The following ARPC2 variants were observed in gnomAD, a reference collection of about 807,000 sequenced individuals.
ARPC2 encodes actin-related protein 2/3 complex subunit 2.
Under a neutral mutation model 38.6 loss-of-function variants are expected in ARPC2, and 4 were observed. The observed-to-expected ratio is 0.10, with a 90% CI of 0.05 to 0.24. The LOEUF (loss-of-function observed/expected upper bound fraction) is 0.24, where lower values mean the gene tolerates loss of function less well. Among genes scored for constraint, ARPC2 ranks in the 10% least tolerant of loss-of-function variants. The pLI, the probability that ARPC2 is intolerant of heterozygous loss-of-function variation, is 1.00. For synonymous variants in ARPC2, 125 were observed against 140.8 expected (o/e 0.89, Z 0.79); for missense variants, 229 against 387.3 (o/e 0.59, Z 3.43).
rs373671129 is a variant in ARPC2 at position 218,220,565 on chromosome 2, A to G, written c.74+3021A>G. Among the ~76,000 whole-genome samples, 21 of 152,056 alleles carry G rather than the reference A, an allele frequency of 1.4e-4. 1 individual carries two copies. Among genetic ancestry groups the G allele is most frequent in the African/African-American group, 4.3e-4 (18 of 41,472 alleles). Reference sequence around the variant, plus strand: ...ATGGTCTTAAAAATAGTTCTGTGGCATATACTTCAGAATATAGTTGCATTA... The same window carrying G: ...ATGGTCTTAAAAATAGTTCTGTGGCGTATACTTCAGAATATAGTTGCATTA... On this transcript the variant is annotated intron_variant, in intron 2 of 10. Transcript: ENST00000315717.
chr2:218,229,105 G>A, intron 4 of ARPC2: 1 of 312,390 alleles, frequency 3.2e-6, no homozygotes, highest in South Asian at 3.4e-5. Flanking sequence ...ACTTTTCCTT[G>A]ATCAGTACAA....
intron 7 of ARPC2, among the ~76,000 whole-genome samples, chr2:218,241,533 T>C (rs921685386): frequency 2.0e-5 from 3 of 152,208 alleles, no homozygotes; most frequent in Non-Finnish European, 4.4e-5. Context: ...GTAACAAAAC[T>C]AATTTTAAAA....
chr2:218,242,089 C>T (rs1482094019), intron 7 of ARPC2, among the ~76,000 whole-genome samples: 1 of 152,184 alleles, frequency 6.6e-6, no homozygotes, highest in African/African-American at 2.4e-5. Flanking sequence ...CTTTCCCTTC[C>T]AGCATGCACA....
At chr2:218,229,592 AC>A (rs1403818510) in intron 4 of ARPC2, among the ~76,000 whole-genome samples, 1 of 152,258 alleles carries the variant, frequency 6.6e-6, no homozygotes, top group Non-Finnish European at 1.5e-5. Context: ...TGAAGATATA[AC>A]CATAGCTGTT....
chr2:218,217,239 A>T lies in ARPC2; in HGVS notation c.-24A>T. Reference sequence around the variant, plus strand: ...CGGCGGCGGCTCGGCAGGCGGGTTCAGGCTTCGGGGGCCAGGTCGGTTGGG... The same window carrying T: ...CGGCGGCGGCTCGGCAGGCGGGTTCTGGCTTCGGGGGCCAGGTCGGTTGGG... On this transcript the variant is annotated 5_prime_UTR_variant, in exon 1 of 11. Transcript: ENST00000315717. 2 of 454,042 alleles carry T rather than the reference A, an allele frequency of 4.4e-6. No homozygotes were observed. The highest frequency in any genetic ancestry group is 7.7e-6 in the Non-Finnish European group (2 of 260,972). The allele number at this position is 454,042 out of a possible 1,614,324, so 28.1% of individuals were successfully genotyped here. A position where few individuals can be genotyped will look rare whatever the true frequency, so the allele number is the denominator to read the frequency against.
chr2:218,232,753 T>A (rs892362707), intron 4 of ARPC2, among the ~76,000 whole-genome samples: 2 of 151,852 alleles, frequency 1.3e-5, no homozygotes, highest in African/African-American at 4.8e-5. Context: ...TGTTTTTGTA[T>A]TTTTAGTAGA....
At chr2:218,217,343 C>A in intron 1 of ARPC2, 89 bp downstream of exon 1, 1 of 839,298 alleles carries the variant, frequency 1.2e-6, no homozygotes, top group Non-Finnish European at 2.0e-6. Flanking sequence ...CCCCTCTCCC[C>A]TTCTCCCCTA....
rs1015378846 is a variant in ARPC2 at position 218,221,234 on chromosome 2, G to C, written c.74+3690G>C. On this transcript the variant is annotated intron_variant, in intron 2 of 10. Coordinates refer to ENST00000315717, the MANE Select transcript of ARPC2 (RefSeq NM_152862.3). The stretch of plus-strand genomic sequence containing the variant: ...TATTGCGGGGAGCTGTGGTTCCATG[G>C]GGGGGAGTGAAACTCAGTAAGCAAG... 7.2e-5 allele frequency among the ~76,000 whole-genome samples: 11 copies of C among 152,264 alleles called. No individual in the cohort carries two copies. In the East Asian group the frequency reaches 1.2e-3, roughly 16 times the overall value.
rs370556012 is a variant in ARPC2 at position 218,217,446 on chromosome 2, C to T, written c.-8-17C>T. 1.9e-5 allele frequency: 31 copies of T among 1,613,418 alleles called. No individual in the cohort carries two copies. The East Asian group carries it at 6.5e-4, about 34-fold the overall frequency. Reference sequence around the variant, plus strand: ...CCCACCCTCACCGGCCCTTGTTTCTCCTTCCCCTGGGGGCAGCCGCCGCCA... The same window carrying T: ...CCCACCCTCACCGGCCCTTGTTTCTTCTTCCCCTGGGGGCAGCCGCCGCCA... On this transcript the variant is annotated splice_polypyrimidine_tract_variant and intron_variant, in intron 1 of 10. Coordinates refer to ENST00000315717, the MANE Select transcript of ARPC2 (RefSeq NM_152862.3).
intron 8 of ARPC2, among the ~76,000 whole-genome samples, chr2:218,247,842 C>G (rs181851643): frequency 1.3e-3 from 205 of 152,010 alleles, no homozygotes; most frequent in Admixed American, 5.7e-3. Flanking sequence ...ACCCTGAAGG[C>G]TGAGGCAGGA....
chr2:218,251,556 C>G (rs776643112), intron 10 of ARPC2, among the ~76,000 whole-genome samples: 6 of 152,114 alleles, frequency 3.9e-5, no homozygotes, highest in Non-Finnish European at 5.9e-5. Context: ...TGGGCTCAAG[C>G]AATCCTCCCA....
intron 10 of ARPC2, among the ~76,000 whole-genome samples, chr2:218,250,411 C>T (rs556683880): frequency 2.6e-5 from 4 of 152,164 alleles, no homozygotes; most frequent in Middle Eastern, 3.4e-3. Flanking sequence ...CGCCTGTAAT[C>T]CCAGCACTTT....
intron 2 of ARPC2, among the ~76,000 whole-genome samples, chr2:218,223,281 A>G (rs1441799212): frequency 6.6e-6 from 1 of 152,218 alleles, no homozygotes; most frequent in Non-Finnish European, 1.5e-5. Flanking sequence ...TTTGTCTAGC[A>G]TATCTACAGT....
chr2:218,242,370 T>C (rs1689935658), intron 7 of ARPC2, among the ~76,000 whole-genome samples: 1 of 152,224 alleles, frequency 6.6e-6, no homozygotes, highest in African/African-American at 2.4e-5. Flanking sequence ...GTCAAGTTAG[T>C]AACTAAATAA....
At position 218,249,897 on chromosome 2, in the gene ARPC2, A is replaced by G; in HGVS notation, c.854A>G (p.Glu285Gly). 2 of 1,612,968 alleles carry G rather than the reference A, an allele frequency of 1.2e-6. No homozygotes were observed. Among genetic ancestry groups the G allele is most frequent in the Non-Finnish European group, 1.7e-6 (2 of 1,179,504 alleles). Residue 285 changes from glutamate (E) to glycine (G), a missense_variant, in exon 10 of 11, where the codon GAG becomes GGG. Glu to Gly is a moderately conservative substitution (Grantham distance 98, BLOSUM62 -2). Coordinates refer to ENST00000315717, the MANE Select transcript of ARPC2 (RefSeq NM_152862.3). ...KVLNRARPDA[E>G]KKEMKTITGK... ...CTGAACCGCGCACGCCCAGATGCCG[A>G]GAAAAAAGAAATGAAAACAATCACG...
intron 8 of ARPC2, among the ~76,000 whole-genome samples, 162 bp downstream of exon 8, chr2:218,245,708 G>A (rs1378395504): frequency 6.6e-6 from 1 of 152,176 alleles, no homozygotes; most frequent in Non-Finnish European, 1.5e-5. Context: ...GGATGTCACA[G>A]GGTATTAATT....
chr2:218,244,079 G>C (rs1313613499), intron 7 of ARPC2, among the ~76,000 whole-genome samples: 1 of 152,196 alleles, frequency 6.6e-6, no homozygotes, highest in East Asian at 1.9e-4. Flanking sequence ...TTCTAGAGAA[G>C]GGCGATTTTA....
At position 218,245,412 on chromosome 2, in the gene ARPC2, C is replaced by T. The variant is rs371647120; in HGVS notation, c.550-8C>T. 4.3e-6 allele frequency: 7 copies of T among 1,613,862 alleles called. No homozygotes were observed. Among genetic ancestry groups the T allele is most frequent in the Non-Finnish European group, 5.9e-6 (7 of 1,179,992 alleles). Reference sequence around the variant, plus strand: ...TCTCTTCTGGTTGCTTTTGCTTTGTCTTGGCAGGAGTTCAAAGAAGGACGC... The same window carrying T: ...TCTCTTCTGGTTGCTTTTGCTTTGTTTTGGCAGGAGTTCAAAGAAGGACGC... On this transcript the variant is annotated splice_region_variant and splice_polypyrimidine_tract_variant and intron_variant, in intron 7 of 10. Coordinates refer to ENST00000315717, the MANE Select transcript of ARPC2 (RefSeq NM_152862.3).
At position 218,217,241 on chromosome 2, in the gene ARPC2, G is replaced by T. The variant is rs910385461; in HGVS notation, c.-22G>T. The T allele has an allele frequency of 2.7e-4, 138 of 505,856 alleles. No individual in the cohort carries two copies. Among genetic ancestry groups the T allele is most frequent in the Non-Finnish European group, 4.5e-4 (129 of 286,380 alleles). 31.3% of individuals were successfully genotyped at this position (505,856 alleles called of 1,614,324 possible). A position where few individuals can be genotyped will look rare whatever the true frequency, so the allele number is the denominator to read the frequency against. ...GCGGCGGCTCGGCAGGCGGGTTCAG[G>T]CTTCGGGGGCCAGGTCGGTTGGGTG... On this transcript the variant is annotated 5_prime_UTR_variant, in exon 1 of 11. Coordinates refer to ENST00000315717, the MANE Select transcript of ARPC2 (RefSeq NM_152862.3).
Sources: gnomAD v4.1 joint callset for allele counts (sites outside exome capture counted in the v4.1 genomes callset) on GRCh38, gnomAD v4.1.1 for gene constraint, MANE v1.5 for transcripts, NCBI Gene and HGNC (gene_info 2026-07-23, HGNC 2026-07-21) for gene names.